RBFOX1: variants seen among roughly 807,000 people sequenced by gnomAD.
The protein encoded by RBFOX1 is RNA binding protein fox-1 homolog 1.
RBFOX1 carries 8 observed loss-of-function variants against 57.7 expected under a neutral mutation model. That is an observed-to-expected ratio of 0.14 (90% CI 0.08 to 0.25). The LOEUF is 0.25. RBFOX1 is among the 10% of genes least tolerant of loss of function. The pLI, the probability that RBFOX1 is intolerant of heterozygous loss-of-function variation, is 1.00. For missense variants in RBFOX1, 611 were observed against 548.5 expected, an observed-to-expected ratio of 1.11 and a Z score of -1.14; for synonymous variants, 326 against 222.4, an observed-to-expected ratio of 1.47 and a Z score of -4.15.
chr16:6,348,403 A>G (rs1339104387), intron 2 of RBFOX1, among the ~76,000 whole-genome samples: 1 of 152,186 alleles, frequency 6.6e-6, no homozygotes, highest in Non-Finnish European at 1.5e-5. Flanking sequence ...TGGCATTTCT[A>G]TGGCAAATGC....
chr16:5,738,053 G>T (rs1460028026), intron 3 of RBFOX1, among the ~76,000 whole-genome samples: 2 of 138,848 alleles, frequency 1.4e-5, no homozygotes, highest in Non-Finnish European at 3.0e-5. Context: ...CCCCTTCCCT[G>T]TGTCCATGTG....
intron 4 of RBFOX1, among the ~76,000 whole-genome samples, chr16:7,352,681 T>G (rs2097149581): frequency 6.6e-6 from 1 of 152,114 alleles, no homozygotes; most frequent in African/African-American, 2.4e-5. Flanking sequence ...TTGTCCTGGA[T>G]CTGCCCCTCA....
At chr16:6,817,474 G>A (rs61711771) in intron 3 of RBFOX1, among the ~76,000 whole-genome samples, 20,238 of 149,966 alleles carry the variant, frequency 0.13, 1,905 homozygotes, top group African/African-American at 0.25. Flanking sequence ...CAGGCAGATT[G>A]GTTGAGGTCA....
chr16:6,643,500 A>T (rs76096945), intron 2 of RBFOX1, among the ~76,000 whole-genome samples: 2,338 of 152,282 alleles, frequency 0.015, 72 homozygotes, highest in African/African-American at 0.053. Context: ...CTGAAAGGCA[A>T]GCATGATTTG....
At chr16:7,582,682 A>G (rs1343348797) in intron 6 of RBFOX1, among the ~76,000 whole-genome samples, 2 of 152,194 alleles carry the variant, frequency 1.3e-5, no homozygotes, top group Non-Finnish European at 2.9e-5. Flanking sequence ...CCAATTCGGT[A>G]CTTCTCACGT....
At chr16:7,370,323 G>A (rs1242739961) in intron 4 of RBFOX1, among the ~76,000 whole-genome samples, 1 of 152,144 alleles carries the variant, frequency 6.6e-6, no homozygotes, top group African/African-American at 2.4e-5. Context: ...ATCTAGGTTG[G>A]TCTTTCAGTG....
At chr16:7,189,500 AT>A (rs371850853) in intron 4 of RBFOX1, among the ~76,000 whole-genome samples, 74 of 147,986 alleles carry the variant, frequency 5.0e-4, no homozygotes, top group East Asian at 3.5e-3. Flanking sequence ...TGATTCAGGT[AT>A]TCTCTCCAGT....
intron 2 of RBFOX1, among the ~76,000 whole-genome samples, chr16:6,478,146 A>C (rs1286985972): frequency 1.3e-5 from 2 of 149,896 alleles, no homozygotes; most frequent in Non-Finnish European, 3.0e-5. Flanking sequence ...TAGCACTTTT[A>C]CTTTCCTTTA....
At chr16:7,030,246 A>AT (rs1465218153) in intron 3 of RBFOX1, among the ~76,000 whole-genome samples, 2 of 152,084 alleles carry the variant, frequency 1.3e-5, no homozygotes, top group Non-Finnish European at 2.9e-5. Flanking sequence ...CACAGATGGG[A>AT]TGGAGTGGAG....
At chr16:5,889,110 G>A (rs779889050) in intron 4 of RBFOX1, among the ~76,000 whole-genome samples, 10 of 152,174 alleles carry the variant, frequency 6.6e-5, no homozygotes, top group Non-Finnish European at 1.3e-4. Context: ...CAACTTTTAA[G>A]TTGTGAGGTC....
intron 2 of RBFOX1, among the ~76,000 whole-genome samples, chr16:6,405,379 T>C (rs1304354362): frequency 6.6e-5 from 10 of 152,184 alleles, no homozygotes; most frequent in Admixed American, 5.9e-4. Context: ...AGCTTTCATA[T>C]GTCCAGTGTT....
rs564243003 is a variant in RBFOX1, at chr16:7,256,157, C to T, written c.27+204059C>T. On this transcript the variant is annotated intron_variant, in intron 4 of 15. Transcript: ENST00000550418. Reference sequence around the variant, plus strand: ...AAAATAAATACATAGAATGTAAATCCGTGACCTATTTTCAGTCGAGGCGAG... The same window carrying T: ...AAAATAAATACATAGAATGTAAATCTGTGACCTATTTTCAGTCGAGGCGAG... Among the ~76,000 whole-genome samples, 17 of 152,228 alleles carry T rather than the reference C, an allele frequency of 1.1e-4. No homozygotes were observed. In the South Asian group the frequency reaches 2.9e-3, roughly 26 times the overall value.
intron 4 of RBFOX1, among the ~76,000 whole-genome samples, chr16:7,291,817 CATT>C (rs1371241223): frequency 1.3e-5 from 2 of 150,818 alleles, no homozygotes; most frequent in East Asian, 3.9e-4. Context: ...GGCTTTCAAT[CATT>C]ACTGCAAATC....
chr16:5,789,514 G>A (rs147174970), intron 3 of RBFOX1, among the ~76,000 whole-genome samples: 3 of 152,196 alleles, frequency 2.0e-5, no homozygotes, highest in Non-Finnish European at 4.4e-5. Context: ...TTACTATAGG[G>A]CATTTAACGT....
chr16:7,198,069 G>A (rs961728728), intron 4 of RBFOX1, among the ~76,000 whole-genome samples: 12 of 138,236 alleles, frequency 8.7e-5, no homozygotes, highest in African/African-American at 2.7e-5. Flanking sequence ...GCCGTGGAGC[G>A]ATCTCGGCTC....
At chr16:5,785,064 T>A (rs950396048) in intron 3 of RBFOX1, among the ~76,000 whole-genome samples, 2 of 152,204 alleles carry the variant, frequency 1.3e-5, no homozygotes, top group Admixed American at 6.5e-5. Flanking sequence ...CAGTGTTGTG[T>A]AGATAGTGGT....
intron 1 of RBFOX1, among the ~76,000 whole-genome samples, chr16:5,332,540 A>C (rs930917694): frequency 6.6e-6 from 1 of 152,090 alleles, no homozygotes; most frequent in African/African-American, 2.4e-5. Flanking sequence ...CTGGGATTAC[A>C]GGTGTAAGTC....
intron 4 of RBFOX1, among the ~76,000 whole-genome samples, chr16:7,460,943 T>G (rs914589753): frequency 5.9e-5 from 9 of 152,086 alleles, no homozygotes; most frequent in Non-Finnish European, 1.2e-4. Flanking sequence ...TTGAGACCCA[T>G]CAACATGGAA....
At chr16:6,651,362 T>C (rs996671362) in intron 2 of RBFOX1, among the ~76,000 whole-genome samples, 11 of 144,226 alleles carry the variant, frequency 7.6e-5, no homozygotes, top group Non-Finnish European at 1.2e-4. Flanking sequence ...CCATTGATTT[T>C]ATCTGGCCTC....
Sources: allele counts gnomAD v4.1 joint callset (sites outside exome capture counted in the v4.1 genomes callset), GRCh38; gene constraint gnomAD v4.1.1; transcripts MANE v1.5; gene names NCBI Gene and HGNC (gene_info 2026-07-23, HGNC 2026-07-21).